Variants in MICALL1 observed in about 807,000 individuals in gnomAD.
The protein encoded by MICALL1 is MICAL like 1.
Under a neutral mutation model 83.7 loss-of-function variants are expected in MICALL1, and 61 were observed. The ratio of observed to expected loss-of-function variants is 0.73; its 90% CI spans 0.59 to 0.90. The LOEUF (loss-of-function observed/expected upper bound fraction) is 0.90, where lower values mean the gene tolerates loss of function less well. Among genes scored for constraint, MICALL1 ranks in the 40% least tolerant of loss-of-function variants. MICALL1 has a pLI of 0.00. For synonymous variants in MICALL1, 481 were observed against 473.6 expected (o/e 1.02, Z -0.20); for missense variants, 1,066 against 1,152.0 (o/e 0.93, Z 1.08).
intron 3 of MICALL1, among the ~76,000 whole-genome samples, chr22:37,917,084 C>G (rs917888578): frequency 1.3e-5 from 2 of 152,232 alleles, no homozygotes; most frequent in African/African-American, 4.8e-5. Context: ...GTTGGCCAGG[C>G]TGGTCTTGAA....
At chr22:37,928,444 G>A (rs756765339) in intron 9 of MICALL1, among the ~76,000 whole-genome samples, 4 of 152,196 alleles carry the variant, frequency 2.6e-5, no homozygotes, top group South Asian at 2.1e-4. Context: ...CTGACCTCAC[G>A]ATCCACCCGC....
intron 13 of MICALL1, among the ~76,000 whole-genome samples, chr22:37,934,848 A>G (rs973487589): frequency 7.5e-5 from 11 of 146,804 alleles, no homozygotes; most frequent in Non-Finnish European, 1.4e-4. Context: ...CACCCACCTT[A>G]GCCTCCCAAA....
rs1164065463 is a variant in MICALL1, at chr22:37,940,742, A to G, written c.2504A>G (p.Lys835Arg). 1.2e-6 allele frequency: 2 copies of G among 1,614,068 alleles called. No homozygotes were observed. The highest frequency in any genetic ancestry group is 1.7e-6 in the Non-Finnish European group (2 of 1,179,956). ...AGGGAGGCTGAACCTGAGGGCAAGA[A>G]GAAGGGGAAGTTCAAGACCATGAAG... ...FQREAEPEGK[K>R]KGKFKTMKML... The change falls in exon 16 of 16, where the codon AAG (lysine) becomes AGG (arginine). Residue 835 changes from lysine to arginine, a missense_variant. Physicochemically the swap from Lys to Arg is conservative, Grantham distance 26. Transcript: ENST00000215957.
Position 37,917,722 on chromosome 22 carries a change from C to T in MICALL1, c.353C>T (p.Pro118Leu). The T allele has an allele frequency of 1.9e-6, 3 of 1,613,854 alleles. No homozygotes were observed. The South Asian group carries it at 3.3e-5, about 18-fold the overall frequency. ...CTCTTGGCAGCTGGTGTCTCGCCAC[C>T]CAGAAAGGGCCTTGCACCCTGTTCC... The part of the protein sequence containing the change: ...CSPGQAGVSP[P>L]RKGLAPCSPP... The change falls in exon 4 of 16, where the codon CCC (proline) becomes CTC (leucine). Residue 118 changes from proline (P) to leucine (L), a missense_variant. Pro to Leu is a moderately conservative substitution (Grantham distance 98, BLOSUM62 -3). Coordinates refer to ENST00000215957, the MANE Select transcript of MICALL1 (RefSeq NM_033386.4).
Position 37,911,158 on chromosome 22 carries a change from AC to A in MICALL1, c.147-792del, listed in dbSNP as rs1331798627. ...CTGGGGCCCCCAGACAGGCCCTGCC[AC>A]CTCTCACCTTTCCTAGTTTAGAAAA... is the stretch of plus-strand genomic sequence containing the variant. On this transcript the variant is annotated intron_variant, in intron 1 of 15. Transcript: ENST00000215957. 2.6e-5 allele frequency among the ~76,000 whole-genome samples: 4 copies of A among 152,094 alleles called. No individual in the cohort carries two copies. The South Asian group carries it at 8.3e-4, about 32-fold the overall frequency.
rs1183565536 is a variant in MICALL1, at chr22:37,925,978, C to T, written c.1400C>T (p.Thr467Ile). The T allele has an allele frequency of 1.2e-6, 2 of 1,613,800 alleles. No individual in the cohort carries two copies. The highest frequency in any genetic ancestry group is 1.3e-5 in the African/African-American group (1 of 74,940). Residue 467 changes from threonine (T) to isoleucine (I), a missense_variant, in exon 8 of 16, where the codon ACC becomes ATC. Coordinates refer to ENST00000215957, the MANE Select transcript of MICALL1 (RefSeq NM_033386.4). ...TCCCTGCACCCCTGGTACGGCATCA[C>T]CCCTACCAGCAGCCCCAAGACAAAG... is the stretch of plus-strand genomic sequence containing the variant. The part of the protein sequence containing the change: ...PKSLHPWYGI[T>I]PTSSPKTKKR...
intron 5 of MICALL1, among the ~76,000 whole-genome samples, chr22:37,921,237 TG>T (rs1264383900): frequency 1.3e-5 from 2 of 152,202 alleles, no homozygotes; most frequent in Non-Finnish European, 2.9e-5. Context: ...CTTTCTTGTA[TG>T]ATACTGTCTT....
intron 9 of MICALL1, among the ~76,000 whole-genome samples, chr22:37,929,038 G>A (rs1569146210): frequency 6.6e-6 from 1 of 152,234 alleles, no homozygotes; most frequent in South Asian, 2.1e-4. Context: ...TAGGAGAATT[G>A]CTTGAACCTG....
chr22:37,916,265 A>G (rs1928670725), intron 3 of MICALL1, among the ~76,000 whole-genome samples: 1 of 152,218 alleles, frequency 6.6e-6, no homozygotes, highest in South Asian at 2.1e-4. Flanking sequence ...TTTGTGGCAG[A>G]CAGTCCTTTG....
chr22:37,928,780 TC>T (rs1167370198), intron 9 of MICALL1, among the ~76,000 whole-genome samples: 1 of 152,196 alleles, frequency 6.6e-6, no homozygotes, highest in East Asian at 1.9e-4. Context: ...TGTCCGCTCT[TC>T]CATTCACTCA....
intron 8 of MICALL1, chr22:37,926,582 T>C (rs1012054056): frequency 1.3e-5 from 2 of 154,200 alleles, no homozygotes; most frequent in African/African-American, 4.8e-5. Flanking sequence ...CTCCGCCCAG[T>C]GCTTCCCCCC....
Position 37,940,919 on chromosome 22 carries a change from A to T in MICALL1, c.*89A>T, listed in dbSNP as rs1930404070. On this transcript the variant is annotated 3_prime_UTR_variant, in exon 16 of 16. Transcript: ENST00000215957. ...GAAGGGGGCGCCCTGCTCCCCTCAG[A>T]TCAGTCAGGAGGAAGATGACTAAGG... is the stretch of plus-strand genomic sequence containing the variant. 6.5e-7 allele frequency: 1 copy of T among 1,542,556 alleles called. No individual in the cohort carries two copies. Among genetic ancestry groups the T allele is most frequent in the African/African-American group, 1.4e-5 (1 of 73,230 alleles).
chr22:37,906,668 C>T lies in MICALL1; in HGVS notation c.146+100C>T, dbSNP rs1927969316. The T allele has an allele frequency of 3.6e-5, 38 of 1,061,826 alleles. No individual in the cohort carries two copies. Among genetic ancestry groups the T allele is most frequent in the Non-Finnish European group, 4.4e-5 (38 of 864,394 alleles). The allele number at this position is 1,061,826 out of a possible 1,614,324, so 65.8% of individuals were successfully genotyped here. ...ACGAAGCCCGGGCGGTGACAGGCGC[C>T]GCCCCCGGACACGGAGACGCCGACC... On this transcript the variant is annotated intron_variant, in intron 1 of 15. Coordinates refer to ENST00000215957, the MANE Select transcript of MICALL1 (RefSeq NM_033386.4). The surrounding 1 kb of genome is among the most constrained non-coding windows in gnomAD (Gnocchi z 4.4).
At position 37,932,781 on chromosome 22, in the gene MICALL1, G is replaced by T. The variant is rs1358088267; in HGVS notation, c.2144-17G>T. On this transcript the variant is annotated splice_polypyrimidine_tract_variant and intron_variant, in intron 11 of 15. Coordinates refer to ENST00000215957, the MANE Select transcript of MICALL1 (RefSeq NM_033386.4). This position sits in a 1 kb window ranked among gnomAD's most constrained non-coding sequence, Gnocchi z 4.4. ...CATGGCAGCCAGCCCTGGCCTCAGT[G>T]GGTATCTGGCTTCCAGAGGGCCGTG... The T allele has an allele frequency of 6.2e-7, 1 of 1,614,004 alleles. No individual in the cohort carries two copies. The highest frequency in any genetic ancestry group is 1.1e-5 in the South Asian group (1 of 91,076).
intron 3 of MICALL1, among the ~76,000 whole-genome samples, chr22:37,917,213 G>T (rs1468092274): frequency 6.6e-6 from 1 of 152,162 alleles, no homozygotes; most frequent in African/African-American, 2.4e-5. Flanking sequence ...GGGTGGGTTT[G>T]TTCTGGTGAG....
chr22:37,934,688 C>T (rs928892347), intron 13 of MICALL1, among the ~76,000 whole-genome samples: 1 of 150,864 alleles, frequency 6.6e-6, no homozygotes, highest in African/African-American at 2.4e-5. Flanking sequence ...GCTCTGCCTC[C>T]CGGGTTCACG....
intron 5 of MICALL1, among the ~76,000 whole-genome samples, chr22:37,920,080 C>T (rs1368517290): frequency 6.6e-6 from 1 of 152,086 alleles, no homozygotes; most frequent in Admixed American, 6.6e-5. Flanking sequence ...CTGTCTTACC[C>T]TCCCAAGTAA....
At chr22:37,914,474 A>G (rs1438869128) in intron 3 of MICALL1, among the ~76,000 whole-genome samples, 1 of 145,904 alleles carries the variant, frequency 6.9e-6, no homozygotes, top group African/African-American at 2.5e-5. Flanking sequence ...TGATCCACCC[A>G]CCTCAGCCTC....
At chr22:37,938,860 G>A (rs1396820354) in intron 15 of MICALL1, among the ~76,000 whole-genome samples, 5 of 151,930 alleles carry the variant, frequency 3.3e-5, no homozygotes, top group Non-Finnish European at 4.4e-5. Flanking sequence ...TGATCCGCTC[G>A]CCTCGGCCTC....
Sources: allele counts gnomAD v4.1 joint callset (sites outside exome capture counted in the v4.1 genomes callset), GRCh38; gene constraint gnomAD v4.1.1; non-coding constraint Gnocchi (gnomAD v3.1); transcripts MANE v1.5; gene names NCBI Gene and HGNC (gene_info 2026-07-23, HGNC 2026-07-21).